The following SETD2 variants were observed in gnomAD, a reference collection of about 807,000 sequenced individuals.
SETD2 encodes SET domain containing 2, histone lysine methyltransferase.
SETD2 carries 31 observed loss-of-function variants against 242.1 expected under a neutral mutation model. The observed-to-expected ratio is 0.13, with a 90% CI of 0.10 to 0.17. SETD2 has a LOEUF of 0.17. Ranked by LOEUF, SETD2 falls within the 10% of genes least tolerant of loss-of-function variation. The probability of loss-of-function intolerance (pLI) is 1.00; values close to 1 mark genes in which losing one functional copy is unlikely to be tolerated. For missense variants in SETD2, 2,481 were observed against 3,046.3 expected, an observed-to-expected ratio of 0.81 and a Z score of 4.37; for synonymous variants, 1,006 against 1,066.5, an observed-to-expected ratio of 0.94 and a Z score of 1.11.
rs2107485941 is a variant in SETD2 at position 47,017,259 on chromosome 3, C to T, written c.7534-5G>A. 6.2e-7 allele frequency: 1 copy of T among 1,613,836 alleles called. No homozygotes were observed. Among genetic ancestry groups the T allele is most frequent in the Non-Finnish European group, 8.5e-7 (1 of 1,179,912 alleles). ...ATTCATAACACCGTGAGTCAGCTGT[C>T]CAGGGCACAGGAAGAGAGACCACAG... On this transcript the variant is annotated splice_polypyrimidine_tract_variant and splice_region_variant and intron_variant, in intron 20 of 20. Coordinates refer to ENST00000409792, the MANE Select transcript of SETD2 (RefSeq NM_014159.7). This position sits in a 1 kb window ranked among gnomAD's most constrained non-coding sequence, Gnocchi z 4.8.
chr3:47,159,625 A>C (rs1370605757), intron 1 of SETD2, among the ~76,000 whole-genome samples: 1 of 152,112 alleles, frequency 6.6e-6, no homozygotes, highest in African/African-American at 2.4e-5. Flanking sequence ...AGACTATGTC[A>C]CTCTTCTGTT....
chr3:47,064,279 A>G (rs2040463730), intron 13 of SETD2, among the ~76,000 whole-genome samples: 1 of 152,196 alleles, frequency 6.6e-6, no homozygotes, highest in Non-Finnish European at 1.5e-5. Context: ...TGGTTACTAA[A>G]CTACAGCCAG....
At chr3:47,149,696 C>T (rs1357335684) in intron 1 of SETD2, among the ~76,000 whole-genome samples, 1 of 152,190 alleles carries the variant, frequency 6.6e-6, no homozygotes, top group Admixed American at 6.6e-5. Flanking sequence ...TCAGATATCC[C>T]TGCCATAGCA....
At chr3:47,111,687 T>C (rs577720617) in intron 5 of SETD2, among the ~76,000 whole-genome samples, 1 of 152,244 alleles carries the variant, frequency 6.6e-6, no homozygotes, top group East Asian at 1.9e-4. Flanking sequence ...ACAAAACATG[T>C]TGCTTTCTGA....
intron 5 of SETD2, among the ~76,000 whole-genome samples, chr3:47,112,734 C>T (rs746648490): frequency 5.9e-5 from 9 of 151,704 alleles, no homozygotes; most frequent in Non-Finnish European, 1.2e-4. Flanking sequence ...GGATTATAGG[C>T]GTGCGCCACC....
chr3:47,064,100 T>C (rs1317414952), intron 13 of SETD2, among the ~76,000 whole-genome samples: 1 of 152,206 alleles, frequency 6.6e-6, no homozygotes, highest in African/African-American at 2.4e-5. Context: ...TATTGAGAAT[T>C]TCTCTCATAG....
In SETD2 at chr3:47,139,598, C is replaced by T. The variant is rs917783869; in HGVS notation, c.72-12935G>A. Among the ~76,000 whole-genome samples, 8 of 152,238 alleles carry T rather than the reference C, an allele frequency of 5.3e-5. No homozygotes were observed. The East Asian group carries it at 1.5e-3, about 29-fold the overall frequency. On this transcript the variant is annotated intron_variant, in intron 1 of 20. Transcript: ENST00000409792. ...ACAGTACTAGTTTTTAGCTTCCTCACTTCAAGCAATTCTTAAAGGAAAAGA... is the reference window on the plus strand; with the variant it reads ...ACAGTACTAGTTTTTAGCTTCCTCATTTCAAGCAATTCTTAAAGGAAAAGA...
rs2106711280 is a variant in SETD2 at position 47,123,744 on chromosome 3, T to A, written c.892A>T (p.Ile298Phe). 1 of 1,550,346 alleles carries A rather than the reference T, an allele frequency of 6.5e-7. No individual in the cohort carries two copies. Among genetic ancestry groups the A allele is most frequent in the Non-Finnish European group, 8.7e-7 (1 of 1,146,548 alleles). Residue 298 changes from isoleucine (I) to phenylalanine (F), a missense_variant, in exon 3 of 21, where the codon ATT (isoleucine) becomes TTT (phenylalanine). Ile to Phe is a conservative substitution (Grantham distance 21). Around this residue, in one of 17 missense-constraint regions of SETD2, gnomAD observed 334 missense variants for 374.5 expected, o/e 0.89. Transcript: ENST00000409792. The part of the protein sequence containing the change: ...KDEEIPDSSK[I>F]SLSCKKTGSK... ...CCTGTTTTTTTACAGCTCAGACTAA[T>A]CTTAGAACTATCTGGAATTTCTTCA...
chr3:47,151,927 T>C (rs2043994785), intron 1 of SETD2, among the ~76,000 whole-genome samples: 1 of 151,972 alleles, frequency 6.6e-6, no homozygotes, highest in Admixed American at 6.6e-5. Flanking sequence ...CTAATTCATA[T>C]GAGCAATACT....
chr3:47,136,929 G>A (rs2043601024), intron 1 of SETD2, among the ~76,000 whole-genome samples: 2 of 152,052 alleles, frequency 1.3e-5, no homozygotes, highest in African/African-American at 4.8e-5. Context: ...ACTCCAGCCT[G>A]GGCAACAGAG....
intron 5 of SETD2, among the ~76,000 whole-genome samples, chr3:47,112,570 C>T (rs1343143314): frequency 2.0e-5 from 3 of 151,718 alleles, no homozygotes; most frequent in South Asian, 2.1e-4. Flanking sequence ...GCGTGAACCA[C>T]CACGTCCAGC....
At chr3:47,142,797 A>C (rs2043762543) in intron 1 of SETD2, among the ~76,000 whole-genome samples, 1 of 151,554 alleles carries the variant, frequency 6.6e-6, no homozygotes, top group South Asian at 2.1e-4. Flanking sequence ...CCTTCTGAGT[A>C]GCTGGGATTA....
chr3:47,059,912 T>C (rs1019361459), intron 14 of SETD2, among the ~76,000 whole-genome samples: 3 of 152,106 alleles, frequency 2.0e-5, no homozygotes, highest in African/African-American at 7.2e-5. Context: ...GCCTCTCAAG[T>C]AGCTGGGATT....
chr3:47,038,043 C>T (rs947389542), intron 17 of SETD2, among the ~76,000 whole-genome samples: 23 of 152,284 alleles, frequency 1.5e-4, no homozygotes, highest in Non-Finnish European at 2.8e-4. Flanking sequence ...ACCCAAACAT[C>T]CTGTCTGTCT....
At position 47,122,736 on chromosome 3, in the gene SETD2, G is replaced by A. The variant is rs773046699; in HGVS notation, c.1900C>T (p.Pro634Ser). The A allele has an allele frequency of 1.1e-5, 18 of 1,610,632 alleles. No homozygotes were observed. The highest frequency in any genetic ancestry group is 1.4e-5 in the Non-Finnish European group (17 of 1,178,658). ...GTTATAAATTCGGACTTAAAAATAG[G>A]CAATTCATCTAGCTTTTTTAAAGTA... is the stretch of plus-strand genomic sequence containing the variant. ...SPTLKKLDELPIFKSEFITHD... is the reference protein window; with the variant it reads ...SPTLKKLDELSIFKSEFITHD... The change falls in exon 3 of 21, where the codon CCT (proline) becomes TCT (serine). Residue 634 changes from proline to serine, a missense_variant. Pro to Ser is a moderately conservative substitution (Grantham distance 74). Around this residue, in one of 17 missense-constraint regions of SETD2, gnomAD observed 1,300 missense variants for 1,259.2 expected, o/e 1.03. Coordinates refer to ENST00000409792, the MANE Select transcript of SETD2 (RefSeq NM_014159.7).
intron 10 of SETD2, among the ~76,000 whole-genome samples, chr3:47,087,425 C>G (rs1478621661): frequency 1.3e-5 from 2 of 152,078 alleles, no homozygotes; most frequent in Admixed American, 1.3e-4. Flanking sequence ...CTAGATCTCT[C>G]GCATGTGCAG....
chr3:47,127,793 G>A (rs761619038), intron 1 of SETD2, among the ~76,000 whole-genome samples: 6 of 152,218 alleles, frequency 3.9e-5, no homozygotes, highest in Non-Finnish European at 7.3e-5. Context: ...GGTGGAGGTT[G>A]CAGTGAGCCA....
At chr3:47,101,279 C>T (rs1054126534) in intron 8 of SETD2, among the ~76,000 whole-genome samples, 179 bp downstream of exon 8, 10 of 151,906 alleles carry the variant, frequency 6.6e-5, no homozygotes, top group African/African-American at 2.4e-4. Flanking sequence ...GTACAACATC[C>T]CTTAAGGGTC....
In SETD2 at chr3:47,098,379, T is replaced by C. The variant is rs575048479; in HGVS notation, c.5016-298A>G. ...TGAAAATAAGAGATCATATACATGTTTGGATTAAGAATAAAATTGCTTAAA... is the reference window on the plus strand; with the variant it reads ...TGAAAATAAGAGATCATATACATGTCTGGATTAAGAATAAAATTGCTTAAA... On this transcript the variant is annotated intron_variant, in intron 8 of 20. Transcript: ENST00000409792. 7.9e-4 allele frequency: 170 copies of C among 216,196 alleles called. 3 individuals carry two copies. In the South Asian group the frequency reaches 0.015, roughly 19 times the overall value. The allele number at this position is 216,196 out of a possible 1,614,324, so 13.4% of individuals were successfully genotyped here.
Sources: gnomAD v4.1 joint callset for allele counts (sites outside exome capture counted in the v4.1 genomes callset) on GRCh38, gnomAD v4.1.1 for gene constraint, gnomAD v4.1.1 regional missense constraint, Gnocchi (gnomAD v3.1) non-coding constraint, MANE v1.5 for transcripts, NCBI Gene and HGNC (gene_info 2026-07-23, HGNC 2026-07-21) for gene names.